Variants in ZNF800 observed in about 807,000 individuals in gnomAD.
The protein encoded by ZNF800 is zinc finger protein 800.
A neutral mutation model predicts 59.5 loss-of-function variants in ZNF800; 13 were observed. The observed-to-expected ratio is 0.22, with a 90% CI of 0.14 to 0.35. ZNF800 has a LOEUF of 0.35. Ranked by LOEUF, ZNF800 falls within the 10% of genes least tolerant of loss-of-function variation. The pLI is 1.00. For missense variants in ZNF800, 621 were observed against 783.7 expected (o/e 0.79, Z 2.48); for synonymous variants, 266 against 265.7 (o/e 1.00, Z -0.01).
intron 1 of ZNF800, 28 bp from the exon 2 acceptor site, chr7:127,391,643 TC>T (rs1397092173): frequency 1.6e-6 from 2 of 1,282,580 alleles, no homozygotes; most frequent in African/African-American, 2.9e-5. Context: ...AACCCGTCAC[TC>T]GCCCTGAACT....
At chr7:127,346,433 A>G (rs1800065660), downstream of ZNF800, among the ~76,000 whole-genome samples, 1 of 152,212 alleles carries the variant, frequency 6.6e-6, no homozygotes, top group African/African-American at 2.4e-5. Context: ...GGCAGATGGT[A>G]AGATTTCTCC....
At chr7:127,379,833 G>GCCCCCCCCC (rs1184865878) in intron 3 of ZNF800, among the ~76,000 whole-genome samples, 9 of 12,702 alleles carry the variant, frequency 7.1e-4, no homozygotes, top group Admixed American at 2.4e-3. Context: ...CCTTACCCTT[G>GCCCCCCCCC]CCACCCCCCC....
At chr7:127,350,887 C>T (rs1345652107) in intron 1 of ZNF800, among the ~76,000 whole-genome samples, 2 of 152,144 alleles carry the variant, frequency 1.3e-5, no homozygotes, top group Non-Finnish European at 1.5e-5. Flanking sequence ...TTTTCTTCTT[C>T]CATTTGAATA....
downstream of ZNF800, among the ~76,000 whole-genome samples, chr7:127,368,918 T>C (rs76804204): frequency 3.4e-4 from 51 of 152,050 alleles, no homozygotes; most frequent in East Asian, 7.3e-3. Flanking sequence ...AACCAAAAAC[T>C]TAATTCATAT....
downstream of ZNF800, among the ~76,000 whole-genome samples, chr7:127,367,778 C>G (rs1335629607): frequency 2.0e-5 from 3 of 152,080 alleles, no homozygotes; most frequent in East Asian, 5.8e-4. Context: ...TTTGAAGTGT[C>G]TTGGTATACA....
chr7:127,387,318 A>C (rs1801166247), intron 2 of ZNF800, among the ~76,000 whole-genome samples: 1 of 152,218 alleles, frequency 6.6e-6, no homozygotes, highest in Admixed American at 6.5e-5. Flanking sequence ...ATCGTAACAC[A>C]GGACCACCCA....
At chr7:127,353,666 C>A (rs1230396681) in intron 1 of ZNF800, among the ~76,000 whole-genome samples, 2 of 152,136 alleles carry the variant, frequency 1.3e-5, no homozygotes, top group African/African-American at 4.8e-5. Flanking sequence ...ACATGAAGTT[C>A]AAATATAAGT....
chr7:127,373,284 G>A (rs554318069), intron 5 of ZNF800, 58 bp downstream of exon 5: 4 of 1,524,192 alleles, frequency 2.6e-6, no homozygotes, highest in Non-Finnish European at 3.5e-6. Context: ...ATGGTCAAAT[G>A]ATTTTTTTTT....
chr7:127,342,872 A>G (rs1799992227), downstream of ZNF800, among the ~76,000 whole-genome samples: 1 of 152,174 alleles, frequency 6.6e-6, no homozygotes, highest in Non-Finnish European at 1.5e-5. Context: ...CACTTTTTCC[A>G]AACAAAATCA....
At chr7:127,354,976 C>T (rs1164069717) in intron 1 of ZNF800, among the ~76,000 whole-genome samples, 1 of 152,048 alleles carries the variant, frequency 6.6e-6, no homozygotes, top group South Asian at 2.1e-4. Flanking sequence ...GTGTGATTAA[C>T]CCACCTTTTT....
In ZNF800 at chr7:127,374,626, T is replaced by C; in HGVS notation, c.710A>G (p.Lys237Arg). 6.2e-7 allele frequency: 1 copy of C among 1,614,126 alleles called. No homozygotes were observed. The highest frequency in any genetic ancestry group is 1.1e-5 in the South Asian group (1 of 91,078). The change falls in exon 5 of 6, where the codon AAA becomes AGA. Residue 237 changes from lysine to arginine, a missense_variant. Lys to Arg is a conservative substitution (Grantham distance 26). Coordinates refer to ENST00000265827, the MANE Select transcript of ZNF800 (RefSeq NM_176814.5). ...GHQLICCLCR[K>R]EFNSRRGVRR... ...AACACCTCGTCTAGAATTGAATTCTTTTCTACAAAGACAACATATCAACTG... is the reference window on the plus strand; with the variant it reads ...AACACCTCGTCTAGAATTGAATTCTCTTCTACAAAGACAACATATCAACTG...
At chr7:127,384,754 T>A (rs1024291338) in intron 3 of ZNF800, among the ~76,000 whole-genome samples, 2 of 152,226 alleles carry the variant, frequency 1.3e-5, no homozygotes, top group Admixed American at 1.3e-4. Flanking sequence ...TTTTCTGTTA[T>A]GCCAGAAATA....
chr7:127,369,830 C>T (rs1800589416), downstream of ZNF800, among the ~76,000 whole-genome samples: 1 of 151,858 alleles, frequency 6.6e-6, no homozygotes, highest in African/African-American at 2.4e-5. Context: ...CAATGGGCTC[C>T]CCTCCTCCAA....
chr7:127,380,456 T>C (rs1283417258), intron 3 of ZNF800, among the ~76,000 whole-genome samples: 1 of 152,214 alleles, frequency 6.6e-6, no homozygotes, highest in East Asian at 1.9e-4. Flanking sequence ...AGTTAACAAA[T>C]GAGAAAAATA....
intron 2 of ZNF800, among the ~76,000 whole-genome samples, chr7:127,389,577 A>T (rs1395831831): frequency 6.6e-6 from 1 of 152,178 alleles, no homozygotes; most frequent in Admixed American, 6.5e-5. Flanking sequence ...GAAATATCCT[A>T]CCCACTCAGC....
intron 1 of ZNF800, chr7:127,364,558 G>T (rs777256990): frequency 4.6e-5 from 7 of 152,132 alleles, no homozygotes; most frequent in Non-Finnish European, 1.0e-4. Flanking sequence ...CAGTAACTAG[G>T]TTCAAGGTAG....
chr7:127,356,402 G>A (rs1800272020), intron 1 of ZNF800, among the ~76,000 whole-genome samples: 1 of 151,856 alleles, frequency 6.6e-6, no homozygotes, highest in African/African-American at 2.4e-5. Context: ...ATATAAAGAA[G>A]GCTATAAAGC....
intron 3 of ZNF800, among the ~76,000 whole-genome samples, chr7:127,383,282 GT>G (rs35662529): frequency 0.14 from 20,840 of 152,158 alleles, 1,669 homozygotes; most frequent in Middle Eastern, 0.22. Flanking sequence ...TGATACAGCA[GT>G]TGAAGATAAC....
intron 5 of ZNF800, 180 bp downstream of exon 5, chr7:127,373,162 C>G (rs1433087308): frequency 1.0e-6 from 1 of 985,296 alleles, no homozygotes; most frequent in Admixed American, 6.2e-5. Flanking sequence ...TCCCAAGCCA[C>G]TGGAATAAAG....
Sources: gnomAD v4.1 joint callset for allele counts (sites outside exome capture counted in the v4.1 genomes callset) on GRCh38, gnomAD v4.1.1 for gene constraint, MANE v1.5 for transcripts, NCBI Gene and HGNC (gene_info 2026-07-23, HGNC 2026-07-21) for gene names.